Variants in FAF1 observed in about 807,000 individuals in gnomAD.
The protein encoded by FAF1 is FAS-associated factor 1.
A neutral mutation model predicts 92.5 loss-of-function variants in FAF1; 25 were observed. That is an observed-to-expected ratio of 0.27 (90% CI 0.20 to 0.38). The LOEUF is 0.38. Ranked by LOEUF, FAF1 falls within the 10% of genes least tolerant of loss-of-function variation. FAF1 has a pLI of 1.00. For missense variants in FAF1, 636 were observed against 793.3 expected, an observed-to-expected ratio of 0.80 and a Z score of 2.38; for synonymous variants, 234 against 273.2, an observed-to-expected ratio of 0.86 and a Z score of 1.42.
chr1:50,945,646 G>A (rs918194800), intron 1 of FAF1, among the ~76,000 whole-genome samples: 10 of 152,206 alleles, frequency 6.6e-5, no homozygotes, highest in Non-Finnish European at 1.2e-4. Flanking sequence ...GCATCTAGAT[G>A]AGTGATCCAG....
At chr1:50,903,847 T>C (rs1356757128) in intron 1 of FAF1, among the ~76,000 whole-genome samples, 1 of 152,204 alleles carries the variant, frequency 6.6e-6, no homozygotes, top group East Asian at 1.9e-4. Flanking sequence ...GTTTCCAGCA[T>C]GTTCTCTCTA....
At chr1:50,837,100 G>A (rs1159769646) in intron 2 of FAF1, among the ~76,000 whole-genome samples, 1 of 151,582 alleles carries the variant, frequency 6.6e-6, no homozygotes, top group Non-Finnish European at 1.5e-5. Context: ...TGGGACTACA[G>A]GCACCCGCCA....
chr1:50,755,601 G>A (rs1660045145), intron 4 of FAF1, among the ~76,000 whole-genome samples: 1 of 152,212 alleles, frequency 6.6e-6, no homozygotes, highest in African/African-American at 2.4e-5. Context: ...GTGCCCAGTA[G>A]GGACTCTGTG....
At chr1:50,945,734 A>C (rs1645168317) in intron 1 of FAF1, among the ~76,000 whole-genome samples, 1 of 152,246 alleles carries the variant, frequency 6.6e-6, no homozygotes, top group African/African-American at 2.4e-5. Flanking sequence ...GCCAGTCTAT[A>C]GCTTTCCAAG....
intron 1 of FAF1, among the ~76,000 whole-genome samples, chr1:50,884,356 A>G (rs1644639195): frequency 6.6e-6 from 1 of 151,408 alleles, no homozygotes; most frequent in African/African-American, 2.4e-5. Flanking sequence ...TCTACTAAAA[A>G]AAAAGAAAAA....
At chr1:50,767,484 A>G (rs1188947392) in intron 4 of FAF1, among the ~76,000 whole-genome samples, 11 of 152,164 alleles carry the variant, frequency 7.2e-5, no homozygotes, top group Non-Finnish European at 1.5e-4. Context: ...GATACTATAT[A>G]AGACAACTAT....
At chr1:50,497,806 C>T (rs561885655) in intron 15 of FAF1, among the ~76,000 whole-genome samples, 3 of 151,914 alleles carry the variant, frequency 2.0e-5, no homozygotes, top group African/African-American at 7.2e-5. Flanking sequence ...CCTCGGCCTC[C>T]CAAAGTGCTG....
At chr1:50,463,940 T>G (rs1646463153) in intron 18 of FAF1, among the ~76,000 whole-genome samples, 1 of 152,192 alleles carries the variant, frequency 6.6e-6, no homozygotes, top group Admixed American at 6.5e-5. Context: ...GATTTTGCTT[T>G]GTGGAAAAAA....
At chr1:50,680,598 A>G (rs1045550667) in intron 7 of FAF1, among the ~76,000 whole-genome samples, 5 of 151,884 alleles carry the variant, frequency 3.3e-5, no homozygotes, top group Admixed American at 2.0e-4. Flanking sequence ...CAGGAGAATC[A>G]CTTGAACCCG....
At chr1:50,879,054 T>C (rs1644591511) in intron 1 of FAF1, among the ~76,000 whole-genome samples, 1 of 152,266 alleles carries the variant, frequency 6.6e-6, no homozygotes. Context: ...AAAACAAGCC[T>C]GACCAACATG....
chr1:50,490,681 A>C lies in FAF1; in HGVS notation c.1576-16T>G, dbSNP rs1646828523. ...GAGCTTCCCTCTGTTGATAAAACAG[A>C]AAAGGAACAAGCACTTAACACATAC... is the stretch of plus-strand genomic sequence containing the variant. On this transcript the variant is annotated splice_polypyrimidine_tract_variant and intron_variant, in intron 16 of 18. Transcript: ENST00000396153. 1 of 1,528,888 alleles carries C rather than the reference A, an allele frequency of 6.5e-7. No homozygotes were observed. The highest frequency in any genetic ancestry group is 9.1e-7 in the Non-Finnish European group (1 of 1,102,202). 94.7% of individuals were successfully genotyped at this position (1,528,888 alleles called of 1,614,324 possible).
At chr1:50,846,570 T>C (rs1392121002) in intron 2 of FAF1, 2 of 526,190 alleles carry the variant, frequency 3.8e-6, no homozygotes, top group Non-Finnish European at 7.6e-6. Flanking sequence ...AAAGGAGCAA[T>C]AGTGAGGAAC....
intron 3 of FAF1, among the ~76,000 whole-genome samples, chr1:50,797,253 T>G (rs1661788416): frequency 6.6e-6 from 1 of 152,134 alleles, no homozygotes; most frequent in Non-Finnish European, 1.5e-5. Context: ...CATCCAAAAT[T>G]ATTGAATCAA....
chr1:50,795,961 G>A (rs1354508624), intron 3 of FAF1, among the ~76,000 whole-genome samples: 2 of 151,654 alleles, frequency 1.3e-5, no homozygotes, highest in Non-Finnish European at 2.9e-5. Context: ...TAGTAAGAAT[G>A]GAAAATTACA....
At chr1:50,517,653 A>G (rs539407740) in intron 15 of FAF1, among the ~76,000 whole-genome samples, 4 of 152,336 alleles carry the variant, frequency 2.6e-5, no homozygotes, top group African/African-American at 9.6e-5. Flanking sequence ...GAGAACTCCC[A>G]CACCAATGGC....
At chr1:50,746,234 G>A (rs1441779466) in intron 4 of FAF1, among the ~76,000 whole-genome samples, 3 of 110,196 alleles carry the variant, frequency 2.7e-5, no homozygotes, top group Non-Finnish European at 5.1e-5. Context: ...GCAAAGAAAT[G>A]ACCTGAAACG....
intron 6 of FAF1, among the ~76,000 whole-genome samples, chr1:50,735,559 G>A (rs934388608): frequency 3.9e-5 from 6 of 152,044 alleles, no homozygotes; most frequent in African/African-American, 1.4e-4. Context: ...CAATTACCAG[G>A]CACCCCCTAG....
chr1:50,852,035 T>C (rs1644355363), intron 2 of FAF1, among the ~76,000 whole-genome samples: 2 of 152,162 alleles, frequency 1.3e-5, no homozygotes, highest in Admixed American at 6.5e-5. Flanking sequence ...ATAATGAGCT[T>C]TCCTTATATA....
chr1:50,497,347 A>C (rs1472818893), intron 15 of FAF1, among the ~76,000 whole-genome samples: 1 of 152,014 alleles, frequency 6.6e-6, no homozygotes, highest in Non-Finnish European at 1.5e-5. Context: ...CTGAAGGTAA[A>C]ATACTTTTCA....
Sources: gnomAD v4.1 joint callset for allele counts (sites outside exome capture counted in the v4.1 genomes callset) on GRCh38, gnomAD v4.1.1 for gene constraint, MANE v1.5 for transcripts, NCBI Gene and HGNC (gene_info 2026-07-23, HGNC 2026-07-21) for gene names.